GPC5: variants seen among roughly 807,000 people sequenced by gnomAD.
GPC5 encodes the protein glypican 5.
In GPC5, 47 loss-of-function variants were observed where a neutral mutation model predicts 53.9. That is an observed-to-expected ratio of 0.87 (90% CI 0.69 to 1.11). The LOEUF is 1.11. Among genes scored for constraint, GPC5 ranks in the 50% most tolerant of loss-of-function variants. The pLI is 0.00. For missense variants in GPC5, 748 were observed against 713.1 expected (o/e 1.05, Z -0.56); for synonymous variants, 286 against 263.3 (o/e 1.09, Z -0.84).
intron 7 of GPC5, among the ~76,000 whole-genome samples, chr13:92,520,732 G>A (rs1035973090): frequency 3.3e-5 from 5 of 152,118 alleles, no homozygotes; most frequent in African/African-American, 1.2e-4. Flanking sequence ...AGACAGGGAT[G>A]CCCTCTCTCA....
At chr13:92,548,668 C>T (rs1207398293) in intron 7 of GPC5, among the ~76,000 whole-genome samples, 1 of 152,010 alleles carries the variant, frequency 6.6e-6, no homozygotes, top group Non-Finnish European at 1.5e-5. Flanking sequence ...AAGTTTAAAA[C>T]TATCCCCACT....
chr13:92,708,082 C>T (rs1888010065), intron 7 of GPC5, among the ~76,000 whole-genome samples: 1 of 152,110 alleles, frequency 6.6e-6, no homozygotes, highest in Admixed American at 6.5e-5. Flanking sequence ...ATGTTCAGTA[C>T]ATATATTTTA....
In GPC5 at chr13:91,852,364, C is replaced by A. The variant is rs894094632; in HGVS notation, c.1281-55573C>A. Reference sequence around the variant, plus strand: ...TCCACATCTTATTCCATTGAAAGGTCGTCAGGGCAAATGACATGTATAGAG... The same window carrying A: ...TCCACATCTTATTCCATTGAAAGGTAGTCAGGGCAAATGACATGTATAGAG... On this transcript the variant is annotated intron_variant, in intron 5 of 7. Coordinates refer to ENST00000377067, the MANE Select transcript of GPC5 (RefSeq NM_004466.6). Among the ~76,000 whole-genome samples, 3 of 151,960 alleles carry A rather than the reference C, an allele frequency of 2.0e-5. No individual in the cohort carries two copies. The South Asian group carries it at 6.2e-4, about 32-fold the overall frequency.
At chr13:92,172,910 T>G (rs2139024085) in intron 7 of GPC5, among the ~76,000 whole-genome samples, 1 of 151,416 alleles carries the variant, frequency 6.6e-6, no homozygotes, top group South Asian at 2.1e-4. Context: ...CTTATAGTTC[T>G]AGGGTTTTTT....
At chr13:91,428,795 A>G (rs1262440240) in intron 1 of GPC5, among the ~76,000 whole-genome samples, 1 of 152,156 alleles carries the variant, frequency 6.6e-6, no homozygotes, top group East Asian at 1.9e-4. Context: ...TTATTTGAAC[A>G]TAAAGCTTTT....
intron 5 of GPC5, among the ~76,000 whole-genome samples, chr13:91,848,465 A>AAATGCAG (rs2038876443): frequency 1.3e-5 from 2 of 152,180 alleles, no homozygotes; most frequent in Admixed American, 1.3e-4. Context: ...AGACATACCT[A>AAATGCAG]TGGGAATATG....
intron 7 of GPC5, among the ~76,000 whole-genome samples, chr13:92,557,393 A>G (rs530494826): frequency 9.2e-5 from 14 of 152,116 alleles, no homozygotes; most frequent in African/African-American, 2.9e-4. Context: ...CAAACTTTGT[A>G]TAACAAGCCC....
intron 7 of GPC5, among the ~76,000 whole-genome samples, chr13:92,380,444 T>A (rs955148725): frequency 1.3e-5 from 2 of 152,086 alleles, no homozygotes; most frequent in Non-Finnish European, 2.9e-5. Flanking sequence ...TGGAGATGGG[T>A]CTGATAGTTC....
intron 2 of GPC5, among the ~76,000 whole-genome samples, chr13:91,610,017 T>G (rs2033500797): frequency 6.6e-6 from 1 of 152,204 alleles, no homozygotes; most frequent in Non-Finnish European, 1.5e-5. Context: ...TCAGCAACTA[T>G]TTATTTGGTA....
intron 5 of GPC5, among the ~76,000 whole-genome samples, chr13:91,847,849 C>T (rs1028192729): frequency 1.3e-5 from 2 of 152,044 alleles, no homozygotes; most frequent in Non-Finnish European, 1.5e-5. Flanking sequence ...AAAATACATA[C>T]CTTTTAGTGA....
At chr13:92,037,526 A>G (rs2040903592) in intron 6 of GPC5, among the ~76,000 whole-genome samples, 3 of 152,306 alleles carry the variant, frequency 2.0e-5, no homozygotes, top group Middle Eastern at 3.4e-3. Context: ...TCCTGATATT[A>G]TAGTATATAT....
chr13:91,760,988 T>A (rs1267395276), intron 5 of GPC5, among the ~76,000 whole-genome samples: 2 of 152,222 alleles, frequency 1.3e-5, no homozygotes, highest in African/African-American at 4.8e-5. Flanking sequence ...ATGTAGTCTG[T>A]ATCTCTTACA....
intron 7 of GPC5, among the ~76,000 whole-genome samples, chr13:92,791,423 G>C (rs1417179548): frequency 6.7e-6 from 1 of 148,402 alleles, no homozygotes; most frequent in Admixed American, 6.7e-5. Context: ...GTGTGAGTGT[G>C]TGGGGGGGGG....
At chr13:91,980,886 A>G (rs986645912) in intron 6 of GPC5, among the ~76,000 whole-genome samples, 6 of 152,154 alleles carry the variant, frequency 3.9e-5, no homozygotes, top group Non-Finnish European at 5.9e-5. Context: ...TTCACCCCAA[A>G]TTATATTTGG....
chr13:91,412,691 A>G (rs1393982000), intron 1 of GPC5, among the ~76,000 whole-genome samples: 2 of 152,232 alleles, frequency 1.3e-5, no homozygotes, highest in African/African-American at 2.4e-5. Flanking sequence ...TAGAAATACA[A>G]ATATCTAATG....
intron 7 of GPC5, among the ~76,000 whole-genome samples, chr13:92,358,123 G>T (rs1434024818): frequency 1.3e-5 from 2 of 151,710 alleles, no homozygotes; most frequent in African/African-American, 4.9e-5. Flanking sequence ...TATAGACATT[G>T]AGTAAATACT....
chr13:91,568,761 T>TC (rs1192519798), intron 2 of GPC5, among the ~76,000 whole-genome samples: 3 of 150,722 alleles, frequency 2.0e-5, no homozygotes, highest in East Asian at 1.9e-4. Context: ...TTTCTTTCTT[T>TC]TTTTTTTTTT....
chr13:91,837,543 A>G (rs945865125), intron 5 of GPC5, among the ~76,000 whole-genome samples: 1 of 152,132 alleles, frequency 6.6e-6, no homozygotes, highest in Admixed American at 6.6e-5. Context: ...AAACCAAAAT[A>G]TCATGTCAAT....
At chr13:92,199,914 G>T (rs907010674) in intron 7 of GPC5, among the ~76,000 whole-genome samples, 2 of 152,106 alleles carry the variant, frequency 1.3e-5, no homozygotes, top group South Asian at 2.1e-4. Flanking sequence ...ACAGGTAAAA[G>T]CTTGCAATAT....
Sources: gnomAD v4.1 joint callset for allele counts (sites outside exome capture counted in the v4.1 genomes callset) on GRCh38, gnomAD v4.1.1 for gene constraint, MANE v1.5 for transcripts, NCBI Gene and HGNC (gene_info 2026-07-23, HGNC 2026-07-21) for gene names.